The following SLC25A48 variants were observed in gnomAD, a reference collection of about 807,000 sequenced individuals.
SLC25A48 encodes the protein CTC-321K16.1.
A neutral mutation model predicts 32.2 loss-of-function variants in SLC25A48; 29 were observed. The observed-to-expected ratio is 0.90, with a 90% CI of 0.67 to 1.23. The LOEUF is 1.23. Ranked by LOEUF, SLC25A48 falls within the 50% of genes most tolerant of loss-of-function variation. The pLI, the probability that SLC25A48 is intolerant of heterozygous loss-of-function variation, is 0.00. For synonymous variants in SLC25A48, 164 were observed against 172.3 expected (o/e 0.95, Z 0.38); for missense variants, 399 against 422.7 (o/e 0.94, Z 0.49).
At chr5:135,793,209 C>A (rs930040334) in intron 3 of SLC25A48, among the ~76,000 whole-genome samples, 1 of 151,394 alleles carries the variant, frequency 6.6e-6, no homozygotes, top group Non-Finnish European at 1.5e-5. Flanking sequence ...TGTGTGTACA[C>A]CCTGGATGTT....
intron 4 of SLC25A48, chr5:135,825,915 C>A (rs1238298816): frequency 6.6e-6 from 1 of 152,236 alleles, no homozygotes; most frequent in Admixed American, 6.5e-5. Flanking sequence ...TGCAGTCACA[C>A]CACGGGGAAG....
chr5:135,787,406 T>A (rs1368951353), intron 3 of SLC25A48, among the ~76,000 whole-genome samples: 3 of 151,594 alleles, frequency 2.0e-5, no homozygotes, highest in Non-Finnish European at 4.4e-5. Flanking sequence ...CAGTAATATT[T>A]TAGGGGGATA....
At chr5:135,884,736 C>T (rs1762657103) in intron 7 of SLC25A48, among the ~76,000 whole-genome samples, 1 of 152,122 alleles carries the variant, frequency 6.6e-6, no homozygotes, top group Non-Finnish European at 1.5e-5. Flanking sequence ...TTAAGTCTGC[C>T]TCAACTGGAC....
intron 1 of SLC25A48, among the ~76,000 whole-genome samples, chr5:135,837,675 T>C (rs1422070060): frequency 6.6e-6 from 1 of 152,006 alleles, no homozygotes; most frequent in African/African-American, 2.4e-5. Context: ...AATGGCTTTA[T>C]AAAGGGGAGT....
At chr5:135,787,909 C>T (rs1433427869) in intron 3 of SLC25A48, among the ~76,000 whole-genome samples, 3 of 151,502 alleles carry the variant, frequency 2.0e-5, no homozygotes, top group East Asian at 1.9e-4. Context: ...TGCTAATAGC[C>T]TTGGGGGATG....
At chr5:135,695,941 A>G (rs771547900) in intron 3 of SLC25A48, among the ~76,000 whole-genome samples, 2 of 152,214 alleles carry the variant, frequency 1.3e-5, no homozygotes, top group Non-Finnish European at 2.9e-5. Flanking sequence ...CACAGCTGAG[A>G]CAGCCCATCC....
chr5:135,605,714 G>A (rs907464139), intron 1 of SLC25A48, among the ~76,000 whole-genome samples: 2 of 152,142 alleles, frequency 1.3e-5, no homozygotes, highest in Non-Finnish European at 2.9e-5. Context: ...CCTAAGTTTG[G>A]TACCATTGTA....
At chr5:135,812,150 A>ATTTAT (rs1286463857) in intron 3 of SLC25A48, among the ~76,000 whole-genome samples, 1 of 149,056 alleles carries the variant, frequency 6.7e-6, no homozygotes, top group Non-Finnish European at 1.5e-5. Context: ...ATTGATTTTT[A>ATTTAT]TTTATTTTAT....
At chr5:135,879,096 G>T (rs1762253064) in intron 6 of SLC25A48, among the ~76,000 whole-genome samples, 1 of 152,180 alleles carries the variant, frequency 6.6e-6, no homozygotes, top group South Asian at 2.1e-4. Context: ...ACTCCCTAGG[G>T]ATGGAAGACA....
At chr5:135,772,326 A>G (rs1756434067) in intron 3 of SLC25A48, among the ~76,000 whole-genome samples, 1 of 151,160 alleles carries the variant, frequency 6.6e-6, no homozygotes, top group African/African-American at 2.4e-5. Flanking sequence ...ATTGTTCTTA[A>G]TACCACCTAA....
intron 3 of SLC25A48, among the ~76,000 whole-genome samples, chr5:135,761,272 C>T (rs940093645): frequency 6.6e-6 from 1 of 152,102 alleles, no homozygotes; most frequent in African/African-American, 2.4e-5. Flanking sequence ...ATTATCTCAC[C>T]ACTGAACTCC....
chr5:135,643,979 C>T (rs779830047), intron 3 of SLC25A48, among the ~76,000 whole-genome samples: 2 of 152,162 alleles, frequency 1.3e-5, no homozygotes, highest in African/African-American at 4.8e-5. Context: ...CCAGAGCCCA[C>T]ACTCTTTATT....
intron 4 of SLC25A48, 36 bp downstream of exon 4, chr5:135,852,857 A>G (rs1050572266): frequency 6.3e-7 from 1 of 1,578,898 alleles, no homozygotes; most frequent in Non-Finnish European, 8.7e-7. Context: ...GGTGTCTGGG[A>G]CTTGTGGCCC....
chr5:135,828,319 T>C (rs1415323283), intron 4 of SLC25A48, among the ~76,000 whole-genome samples: 1 of 152,238 alleles, frequency 6.6e-6, no homozygotes, highest in East Asian at 1.9e-4. Flanking sequence ...GAGATTTGAC[T>C]TGCTGGGTGT....
chr5:135,878,317 C>T (rs2126827348), intron 6 of SLC25A48, among the ~76,000 whole-genome samples: 1 of 152,306 alleles, frequency 6.6e-6, no homozygotes, highest in South Asian at 2.1e-4. Context: ...AGCCCAGACC[C>T]ACAGGGGAAC....
chr5:135,680,111 T>C (rs1248385970), intron 3 of SLC25A48, among the ~76,000 whole-genome samples: 2 of 152,176 alleles, frequency 1.3e-5, no homozygotes, highest in Non-Finnish European at 2.9e-5. Context: ...TAGGTGTCTG[T>C]AGTCACTACT....
chr5:135,752,786 G>A (rs1361158193), intron 3 of SLC25A48, among the ~76,000 whole-genome samples: 3 of 152,040 alleles, frequency 2.0e-5, no homozygotes, highest in Non-Finnish European at 4.4e-5. Context: ...ATGTCACTGG[G>A]TGTAAACACA....
intron 3 of SLC25A48, among the ~76,000 whole-genome samples, chr5:135,767,479 C>A (rs77013809): frequency 0.016 from 2,446 of 151,872 alleles, 48 homozygotes; most frequent in African/African-American, 0.044. Context: ...GTGTACACCC[C>A]CTGGTGATAT....
intron 3 of SLC25A48, among the ~76,000 whole-genome samples, chr5:135,708,259 T>C (rs570233370): frequency 6.6e-6 from 1 of 152,298 alleles, no homozygotes; most frequent in South Asian, 2.1e-4. Flanking sequence ...AATGAGCAGC[T>C]CCTGGAAAAT....
Sources: allele counts gnomAD v4.1 joint callset (sites outside exome capture counted in the v4.1 genomes callset), GRCh38; gene constraint gnomAD v4.1.1; transcripts MANE v1.5; gene names NCBI Gene and HGNC (gene_info 2026-07-23, HGNC 2026-07-21).